MYO16: variants seen among roughly 807,000 people sequenced by gnomAD.
MYO16 encodes myosin XVI, also known as unconventional myosin-XVI.
MYO16 carries 94 observed loss-of-function variants against 205.3 expected under a neutral mutation model. That is an observed-to-expected ratio of 0.46 (90% confidence interval 0.39 to 0.54). MYO16 has a LOEUF of 0.54. Ranked by LOEUF, MYO16 falls within the 20% of genes least tolerant of loss-of-function variation. MYO16 has a pLI of 0.00. For missense variants in MYO16, 2,315 were observed against 2,387.5 expected (o/e 0.97, Z 0.63); for synonymous variants, 988 against 954.0 (o/e 1.04, Z -0.66).
At chr13:108,649,238 G>T (rs904490907) in intron 1 of MYO16, among the ~76,000 whole-genome samples, 2 of 152,092 alleles carry the variant, frequency 1.3e-5, no homozygotes, top group Non-Finnish European at 2.9e-5. Flanking sequence ...AAAAATTCCA[G>T]TGTCCATTTA....
chr13:109,057,313 G>A (rs1400990477), intron 27 of MYO16, among the ~76,000 whole-genome samples: 2 of 152,178 alleles, frequency 1.3e-5, no homozygotes, highest in Non-Finnish European at 2.9e-5. Context: ...TAGAAGATAA[G>A]CAGAACCACA....
chr13:109,102,266 CAG>C (rs1409306342), intron 28 of MYO16, among the ~76,000 whole-genome samples: 7 of 152,050 alleles, frequency 4.6e-5, no homozygotes, highest in African/African-American at 1.7e-4. Flanking sequence ...CCAACCCCTC[CAG>C]AGTCAGTGAC....
At chr13:108,541,022 C>T in the MYO16 span, among the ~76,000 whole-genome samples, 18 of 152,158 alleles carry the variant, frequency 1.2e-4, no homozygotes, top group East Asian at 3.9e-4. Flanking sequence ...AATATTGGGA[C>T]GGAATGAACG....
At chr13:108,602,974 A>C (rs1878820533) in intron 1 of MYO16, among the ~76,000 whole-genome samples, 3 of 152,186 alleles carry the variant, frequency 2.0e-5, no homozygotes, top group Non-Finnish European at 2.9e-5. Context: ...GTTTCCATTT[A>C]AGCCCTGGTT....
At chr13:109,043,647 G>C (rs1023392784) in intron 23 of MYO16, among the ~76,000 whole-genome samples, 1 of 152,138 alleles carries the variant, frequency 6.6e-6, no homozygotes, top group Non-Finnish European at 1.5e-5. Context: ...ATAAGTGATG[G>C]TTTTTACTAG....
At chr13:109,097,123 A>C (rs974151848) in intron 27 of MYO16, among the ~76,000 whole-genome samples, 2 of 152,256 alleles carry the variant, frequency 1.3e-5, no homozygotes, top group African/African-American at 4.8e-5. Context: ...TGAGGTCAGC[A>C]GTTCGAGACT....
At chr13:108,693,555 A>G (rs1202321289) in intron 2 of MYO16, among the ~76,000 whole-genome samples, 1 of 152,164 alleles carries the variant, frequency 6.6e-6, no homozygotes, top group African/African-American at 2.4e-5. Context: ...TGGAGCCTGC[A>G]TTGGTACTTC....
chr13:108,746,054 G>A (rs575471318), intron 4 of MYO16, among the ~76,000 whole-genome samples: 1 of 151,892 alleles, frequency 6.6e-6, no homozygotes, highest in Non-Finnish European at 1.5e-5. Flanking sequence ...TTAGCCAGGA[G>A]TGGTGGCAGG....
In MYO16 at chr13:109,076,759, G is replaced by T. The variant is rs191389524; in HGVS notation, c.3335+21164G>T. On this transcript the variant is annotated intron_variant, in intron 27 of 34. Transcript: ENST00000457511. The stretch of plus-strand genomic sequence containing the variant: ...GTGAGCCTGCAGCATGACGCCAGAT[G>T]TACATGCAGTCTGGATGAGTGCACA... Among the ~76,000 whole-genome samples the T allele has an allele frequency of 6.0e-4, 92 of 152,288 alleles. 1 individual carries two copies. Among genetic ancestry groups the T allele is most frequent in the Non-Finnish European group, 2.2e-4 (15 of 68,024 alleles).
intron 1 of MYO16, among the ~76,000 whole-genome samples, chr13:108,636,338 AT>A (rs892029939): frequency 7.2e-6 from 1 of 138,396 alleles, no homozygotes; most frequent in Non-Finnish European, 1.5e-5. Flanking sequence ...AAATGAAAAA[AT>A]ATTTCCCTTT....
intron 6 of MYO16, among the ~76,000 whole-genome samples, chr13:108,797,991 A>G (rs1375243261): frequency 6.6e-6 from 1 of 152,190 alleles, no homozygotes. Flanking sequence ...ATTGCAAATA[A>G]TTGTTCTAAA....
intron 23 of MYO16, among the ~76,000 whole-genome samples, chr13:109,024,590 A>G (rs79212387): frequency 1.2e-4 from 18 of 152,156 alleles, no homozygotes; most frequent in Admixed American, 1.2e-3. Context: ...CTGAATTCTG[A>G]TAGAAATAAA....
intron 22 of MYO16, among the ~76,000 whole-genome samples, chr13:109,012,112 A>T (rs1315829585): frequency 6.6e-6 from 1 of 152,182 alleles, no homozygotes; most frequent in Non-Finnish European, 1.5e-5. Flanking sequence ...TTATTGTGAA[A>T]GGTAGATTTG....
chr13:109,065,528 AAAAAAAAAAAAG>A, intron 27 of MYO16: 1 of 387,586 alleles, frequency 2.6e-6, no homozygotes, highest in South Asian at 2.0e-5. Flanking sequence ...GCCATGCTGA[AAAAAAAAAAAAG>A]AAAAAGAAAA....
intron 22 of MYO16, among the ~76,000 whole-genome samples, chr13:109,012,858 T>G (rs1012943337): frequency 2.6e-5 from 4 of 151,924 alleles, no homozygotes; most frequent in Non-Finnish European, 4.4e-5. Flanking sequence ...TAATTTAAGT[T>G]TTATAAGTCA....
Position 108,666,104 on chromosome 13 carries a change from A to C in MYO16, c.247A>C (p.Thr83Pro). ...AKNPKVHFNL[T>P]DMLQDAIIHH... is the part of the protein sequence containing the mutation. ...GAATCCGAAAGTTCACTTCAACCTCACGGACATGCTACAGGACGCGATTAT... is the reference window on the plus strand; with the variant it reads ...GAATCCGAAAGTTCACTTCAACCTCCCGGACATGCTACAGGACGCGATTAT... Residue 83 changes from threonine (T) to proline (P), a missense_variant, in exon 2 of 35, where the codon ACG becomes CCG. Coordinates refer to ENST00000457511, the MANE Select transcript of MYO16 (RefSeq NM_001198950.3). 1.2e-6 allele frequency: 2 copies of C among 1,613,830 alleles called. No homozygotes were observed. The highest frequency in any genetic ancestry group is 1.7e-6 in the Non-Finnish European group (2 of 1,179,776).
intron 33 of MYO16, among the ~76,000 whole-genome samples, chr13:109,170,888 C>T (rs1210809219): frequency 6.6e-6 from 1 of 152,084 alleles, no homozygotes; most frequent in Admixed American, 6.5e-5. Flanking sequence ...CTGTGTTCTC[C>T]CTTAACACAC....
chr13:109,048,583 TGTTTG>T (rs1887130766), intron 24 of MYO16: 1 of 374,154 alleles, frequency 2.7e-6, no homozygotes, highest in Non-Finnish European at 4.8e-6. Context: ...CAGTGGGCCA[TGTTTG>T]GCTCAGGAGC....
intron 1 of MYO16, among the ~76,000 whole-genome samples, chr13:108,610,718 T>C (rs1175177594): frequency 1.3e-5 from 2 of 152,180 alleles, no homozygotes; most frequent in Admixed American, 1.3e-4. Flanking sequence ...TGGCAGAGAC[T>C]CTGATAAGCA....
Sources: gnomAD v4.1 joint callset for allele counts (sites outside exome capture counted in the v4.1 genomes callset) on GRCh38, gnomAD v4.1.1 for gene constraint, MANE v1.5 for transcripts, NCBI Gene and HGNC (gene_info 2026-07-23, HGNC 2026-07-21) for gene names.